SPG11: variants seen among roughly 807,000 people sequenced by gnomAD.
SPG11 encodes the protein SPG11 vesicle trafficking associated, spatacsin, also known as spatacsin.
SPG11 carries 222 observed loss-of-function variants against 274.0 expected under a neutral mutation model. The observed-to-expected ratio is 0.81, with a 90% confidence interval of 0.73 to 0.91. The LOEUF is 0.91. Ranked by LOEUF, SPG11 falls within the 40% of genes least tolerant of loss-of-function variation. The pLI is 0.00. For synonymous variants in SPG11, 1,144 were observed against 1,039.7 expected, an observed-to-expected ratio of 1.10 and a Z score of -1.93; for missense variants, 3,114 against 2,872.7, an observed-to-expected ratio of 1.08 and a Z score of -1.92.
chr15:44,581,491 G>A (rs2082658125), intron 30 of SPG11, among the ~76,000 whole-genome samples: 1 of 151,908 alleles, frequency 6.6e-6, no homozygotes, highest in African/African-American at 2.4e-5. Context: ...ACAGGTGTGA[G>A]CCACTGCACC....
chr15:44,634,886 T>C (rs1238178804), intron 7 of SPG11, among the ~76,000 whole-genome samples: 1 of 152,190 alleles, frequency 6.6e-6, no homozygotes, highest in Non-Finnish European at 1.5e-5. Flanking sequence ...GGCTGCATTC[T>C]ATATTTTTAA....
At chr15:44,566,064 G>A (rs2082302275) in intron 37 of SPG11, 55 bp from the exon 38 acceptor site, 1 of 1,607,700 alleles carries the variant, frequency 6.2e-7, no homozygotes. Context: ...GTCACCTCCT[G>A]TGTGAACCCT....
At chr15:44,587,780 T>TA (rs1196301767) in intron 28 of SPG11, among the ~76,000 whole-genome samples, 1 of 150,460 alleles carries the variant, frequency 6.6e-6, no homozygotes, top group African/African-American at 2.5e-5. Context: ...ACACAATTTC[T>TA]AAAAATATAA....
In SPG11 at chr15:44,577,514, A is replaced by C. The variant is rs553127867; in HGVS notation, c.5867-2473T>G. Among the ~76,000 whole-genome samples, 1,329 of 151,488 alleles carry C rather than the reference A, an allele frequency of 8.8e-3. 15 individuals are homozygous for C. The highest frequency in any genetic ancestry group is 0.031 in the African/African-American group (1,275 of 41,376). On this transcript the variant is annotated intron_variant, in intron 30 of 39. Coordinates refer to ENST00000261866, the MANE Select transcript of SPG11 (RefSeq NM_025137.4). ...TGAGGCCCTATCTCAAAAAAAAAAAAAAAAACAAAACAAAAACTCTTAAAG... is the reference window on the plus strand; with the variant it reads ...TGAGGCCCTATCTCAAAAAAAAAAACAAAAACAAAACAAAAACTCTTAAAG...
intron 33 of SPG11, chr15:44,572,415 G>T (rs573731907): frequency 1.0e-4 from 45 of 440,658 alleles, no homozygotes; most frequent in South Asian, 8.7e-4. Context: ...GGACAATAAC[G>T]TTCTCTTTGC....
At chr15:44,585,983 GTTTTT>G (rs71111868) in intron 28 of SPG11, 133 bp from the exon 29 acceptor site, 79 of 337,396 alleles carry the variant, frequency 2.3e-4, no homozygotes, top group Middle Eastern at 2.0e-3. Flanking sequence ...ATAAAAAGCT[GTTTTT>G]TTTTTTTTTT....
At chr15:44,648,836 G>T in intron 7 of SPG11, 30 bp downstream of exon 7, 1 of 1,607,982 alleles carries the variant, frequency 6.2e-7, no homozygotes, top group East Asian at 2.2e-5. Flanking sequence ...AAATAATTAA[G>T]TAATGTTCTT....
chr15:44,615,435 T>C lies in SPG11; in HGVS notation c.2966A>G (p.His989Arg), dbSNP rs752882400. 6.2e-6 allele frequency: 10 copies of C among 1,614,106 alleles called. No individual in the cohort carries two copies. Among genetic ancestry groups the C allele is most frequent in the African/African-American group, 1.3e-5 (1 of 75,052 alleles). Residue 989 changes from histidine (H) to arginine (R), a missense_variant, in exon 16 of 40, where the codon CAT becomes CGT. Physicochemically the swap from His to Arg is conservative, Grantham distance 29. Transcript: ENST00000261866. Reference protein sequence around the residue: ...NYKTKEGWDFHSQFILYCLEH... With the variant: ...NYKTKEGWDFRSQFILYCLEH... ...CAAACAATAGAGAATGAATTGAGAA[T>C]GGAAATCCCAACCTTCTTTGGTCTT...
chr15:44,639,486 T>C (rs1251599942), intron 7 of SPG11, among the ~76,000 whole-genome samples: 1 of 152,064 alleles, frequency 6.6e-6, no homozygotes, highest in African/African-American at 2.4e-5. Flanking sequence ...GGAGGATTGC[T>C]TGAGCTAGGA....
Position 44,596,933 on chromosome 15 carries a change from C to T in SPG11, c.4012G>A (p.Glu1338Lys). ...QQQEIKRLSS[E>K]SSSQWALVVQ... ...ACTAATGCCCATTGGCTGCTAGATT[C>T]ACTGGATAACCTATAATCAGAATTA... Residue 1338 changes from glutamate (E) to lysine (K), a missense_variant, in exon 24 of 40, where the codon GAA (glutamate) becomes AAA (lysine). Physicochemically the swap from Glu to Lys is moderately conservative, Grantham distance 56 (BLOSUM62 1). Coordinates refer to ENST00000261866, the MANE Select transcript of SPG11 (RefSeq NM_025137.4). The T allele has an allele frequency of 1.2e-6, 2 of 1,613,850 alleles. No individual in the cohort carries two copies. Among genetic ancestry groups the T allele is most frequent in the South Asian group, 1.1e-5 (1 of 91,066 alleles).
rs370462977 is a variant in SPG11 at position 44,651,838 on chromosome 15, T to C, written c.1109A>G (p.Glu370Gly). 2 of 1,614,008 alleles carry C rather than the reference T, an allele frequency of 1.2e-6. No individual in the cohort carries two copies. Among genetic ancestry groups the C allele is most frequent in the Non-Finnish European group, 1.7e-6 (2 of 1,179,912 alleles). The change falls in exon 6 of 40, where the codon GAG (glutamate) becomes GGG (glycine). Residue 370 changes from glutamate (E) to glycine (G), a missense_variant. Coordinates refer to ENST00000261866, the MANE Select transcript of SPG11 (RefSeq NM_025137.4). ...ACTGTGGTTACCAGATTCAGGTGAC[T>C]CCAAATGCAAAATATCCTGGAACCA... is the stretch of plus-strand genomic sequence containing the variant. ...APWFQDILHLESPESGNHSTS... is the reference protein window; with the variant it reads ...APWFQDILHLGSPESGNHSTS...
At chr15:44,658,960 C>A in intron 3 of SPG11, 119 bp downstream of exon 3, 1 of 874,444 alleles carries the variant, frequency 1.1e-6, no homozygotes, top group South Asian at 1.4e-5. Context: ...AAAAGTTTTA[C>A]TGAAAAACTA....
In SPG11 at chr15:44,622,665, C is replaced by A. The variant is rs117989754; in HGVS notation, c.2316+63G>T. The A allele has an allele frequency of 4.0e-3, 5,443 of 1,345,068 alleles. 188 individuals carry two copies. In the Admixed American group the frequency reaches 0.047, roughly 12 times the overall value. 83.3% of individuals were successfully genotyped at this position (1,345,068 alleles called of 1,614,324 possible). A position where few individuals can be genotyped will look rare whatever the true frequency, so the allele number is the denominator to read the frequency against. On this transcript the variant is annotated intron_variant, in intron 12 of 39. Transcript: ENST00000261866. Reference sequence around the variant, plus strand: ...CTTAAGGTTTTTCTTCCAAGGTTTTCTTCCAAGTTTTTCACCCAGGCTTTC... The same window carrying A: ...CTTAAGGTTTTTCTTCCAAGGTTTTATTCCAAGTTTTTCACCCAGGCTTTC...
intron 20 of SPG11, among the ~76,000 whole-genome samples, chr15:44,600,845 A>G (rs530287191): frequency 1.3e-5 from 2 of 152,216 alleles, no homozygotes; most frequent in Non-Finnish European, 2.9e-5. Flanking sequence ...GAAGTTGCAT[A>G]AAAACTCTGG....
At chr15:44,635,440 C>A (rs534949698) in intron 7 of SPG11, among the ~76,000 whole-genome samples, 1 of 151,170 alleles carries the variant, frequency 6.6e-6, no homozygotes, top group Non-Finnish European at 1.5e-5. Context: ...CTTGTCTCTA[C>A]TAAAAAAAAT....
At chr15:44,564,525 A>C (rs749853595) in intron 39 of SPG11, 22 bp downstream of exon 39, 1 of 1,611,862 alleles carries the variant, frequency 6.2e-7, no homozygotes, top group Admixed American at 1.7e-5. Flanking sequence ...AGCAATGTTT[A>C]CAGTCAACTT....
chr15:44,648,751 A>G lies in SPG11; in HGVS notation c.1602+115T>C. On this transcript the variant is annotated intron_variant, in intron 7 of 39. Coordinates refer to ENST00000261866, the MANE Select transcript of SPG11 (RefSeq NM_025137.4). ...CCAGAACTGTTTAAATAGATATACA[A>G]AGGCTATAGTTCTTTTTGCTGCTAA... 5 of 1,202,964 alleles carry G rather than the reference A, an allele frequency of 4.2e-6. No individual in the cohort carries two copies. The South Asian group carries it at 4.9e-5, about 12-fold the overall frequency. The allele number at this position is 1,202,964 out of a possible 1,614,324, so 74.5% of individuals were successfully genotyped here. A position where few individuals can be genotyped will look rare whatever the true frequency, so the allele number is the denominator to read the frequency against.
Position 44,583,874 on chromosome 15 carries a change from G to GT in SPG11, c.5805dup (p.Gln1936ThrfsTer4). The GT allele has an allele frequency of 3.1e-6, 5 of 1,614,192 alleles. No homozygotes were observed. The highest frequency in any genetic ancestry group is 3.4e-6 in the Non-Finnish European group (4 of 1,180,016). ...TCTTCCTCAAGCAGCTCAGCACTTTGTAGGAGAGCATGGATCTCTGGGTGC... is the reference window on the plus strand; with the variant it reads ...TCTTCCTCAAGCAGCTCAGCACTTTGTTAGGAGAGCATGGATCTCTGGGTGC... On this transcript the variant is annotated frameshift_variant, in exon 30 of 40. Coordinates refer to ENST00000261866, the MANE Select transcript of SPG11 (RefSeq NM_025137.4). LOFTEE classifies it high-confidence loss of function.
Position 44,570,382 on chromosome 15 carries a change from G to C in SPG11, c.6477+143C>G. 7 of 1,038,858 alleles carry C rather than the reference G, an allele frequency of 6.7e-6. No homozygotes were observed. The South Asian group carries it at 1.1e-4, about 17-fold the overall frequency. 64.4% of individuals were successfully genotyped at this position (1,038,858 alleles called of 1,614,324 possible). ...ATAACTTGGAGCAGAGGGTTGGGCT[G>C]CCCAGCCAACTCTCAAGTAGGTAGT... On this transcript the variant is annotated intron_variant, in intron 34 of 39. Coordinates refer to ENST00000261866, the MANE Select transcript of SPG11 (RefSeq NM_025137.4).
Sources: allele counts gnomAD v4.1 joint callset (sites outside exome capture counted in the v4.1 genomes callset), GRCh38; gene constraint gnomAD v4.1.1; transcripts MANE v1.5; gene names NCBI Gene and HGNC (gene_info 2026-07-23, HGNC 2026-07-21).